The following CSMD1 variants were observed in gnomAD, a reference collection of about 807,000 sequenced individuals.
CSMD1 encodes the protein CUB and Sushi multiple domains 1.
CSMD1 carries 213 observed loss-of-function variants against 417.5 expected under a neutral mutation model. The ratio of observed to expected loss-of-function variants is 0.51; its 90% CI spans 0.46 to 0.57. CSMD1 has a LOEUF of 0.57. CSMD1 is among the 20% of genes least tolerant of loss of function. The pLI, the probability that CSMD1 is intolerant of heterozygous loss-of-function variation, is 0.00. For missense variants in CSMD1, 6,923 were observed against 4,529.7 expected, an observed-to-expected ratio of 1.53 and a Z score of -15.17; for synonymous variants, 2,862 against 1,736.8, an observed-to-expected ratio of 1.65 and a Z score of -16.11.
chr8:4,262,105 C>A (rs1803927797), intron 3 of CSMD1, among the ~76,000 whole-genome samples: 1 of 152,104 alleles, frequency 6.6e-6, no homozygotes, highest in Non-Finnish European at 1.5e-5. Flanking sequence ...ATTACTGTTA[C>A]TTCTCTTTCC....
intron 6 of CSMD1, among the ~76,000 whole-genome samples, chr8:3,714,811 T>C (rs1801735722): frequency 6.6e-6 from 1 of 152,096 alleles, no homozygotes; most frequent in Non-Finnish European, 1.5e-5. Context: ...GTCTAGTTTA[T>C]GATTGCAAGA....
At chr8:3,756,413 A>G (rs1439097018) in intron 5 of CSMD1, among the ~76,000 whole-genome samples, 1 of 152,166 alleles carries the variant, frequency 6.6e-6, no homozygotes, top group Non-Finnish European at 1.5e-5. Flanking sequence ...ATTTTTATAC[A>G]CACAAATATC....
chr8:3,839,265 ATAC>A (rs1238122186), intron 5 of CSMD1, among the ~76,000 whole-genome samples: 1 of 124,798 alleles, frequency 8.0e-6, no homozygotes, highest in East Asian at 2.2e-4. Context: ...TTACTTATAT[ATAC>A]TATTAATATA....
intron 5 of CSMD1, among the ~76,000 whole-genome samples, chr8:3,786,786 C>T (rs1466716323): frequency 4.6e-5 from 7 of 152,258 alleles, no homozygotes; most frequent in Non-Finnish European, 5.9e-5. Context: ...CTTCCCCTTG[C>T]GTCCTCAGGT....
chr8:3,715,063 C>T (rs1055132061), intron 6 of CSMD1, among the ~76,000 whole-genome samples: 1 of 152,096 alleles, frequency 6.6e-6, no homozygotes, highest in African/African-American at 2.4e-5. Context: ...ATCCCCTTCC[C>T]CTCCAAATTT....
intron 52 of CSMD1, among the ~76,000 whole-genome samples, chr8:3,013,463 T>C (rs1347408531): frequency 2.0e-5 from 3 of 152,134 alleles, no homozygotes; most frequent in African/African-American, 4.8e-5. Flanking sequence ...ATATCAAAAA[T>C]TTTCCAGCCT....
At chr8:3,300,360 G>GT (rs1563244626) in intron 25 of CSMD1, among the ~76,000 whole-genome samples, 154 of 150,784 alleles carry the variant, frequency 1.0e-3, no homozygotes, top group African/African-American at 3.6e-3. Flanking sequence ...TACATTTAGG[G>GT]GTTTTTTTTT....
chr8:3,505,118 G>A (rs541297804), intron 10 of CSMD1, among the ~76,000 whole-genome samples: 1 of 152,218 alleles, frequency 6.6e-6, no homozygotes, highest in East Asian at 1.9e-4. Context: ...AGCATCACAG[G>A]CAGATTTCAG....
intron 21 of CSMD1, among the ~76,000 whole-genome samples, chr8:3,352,934 A>G (rs964363636): frequency 2.0e-5 from 3 of 152,228 alleles, no homozygotes; most frequent in African/African-American, 7.2e-5. Context: ...ACATGGGGGT[A>G]TATAACAAAA....
At chr8:4,776,658 A>G (rs770559871) in intron 1 of CSMD1, among the ~76,000 whole-genome samples, 5 of 152,212 alleles carry the variant, frequency 3.3e-5, no homozygotes, top group South Asian at 2.1e-4. Context: ...GTGAACTGAC[A>G]TAAGTCAGGA....
intron 36 of CSMD1, among the ~76,000 whole-genome samples, chr8:3,182,200 G>C (rs2129047885): frequency 6.6e-6 from 1 of 152,278 alleles, no homozygotes; most frequent in South Asian, 2.1e-4. Context: ...GAAAAGATAA[G>C]ATTGTCTATC....
At chr8:4,588,306 A>C (rs564159175) in intron 2 of CSMD1, among the ~76,000 whole-genome samples, 1 of 148,774 alleles carries the variant, frequency 6.7e-6, no homozygotes, top group Non-Finnish European at 1.5e-5. Flanking sequence ...AAGAAAAAGG[A>C]AATAAAACAT....
At chr8:4,118,221 T>A (rs1802273374) in intron 3 of CSMD1, among the ~76,000 whole-genome samples, 1 of 152,104 alleles carries the variant, frequency 6.6e-6, no homozygotes, top group Admixed American at 6.5e-5. Context: ...ACTAAATTTT[T>A]AGCACATGCT....
chr8:4,289,163 T>G (rs954628898), intron 3 of CSMD1, among the ~76,000 whole-genome samples: 1 of 152,202 alleles, frequency 6.6e-6, no homozygotes, highest in Non-Finnish European at 1.5e-5. Context: ...TCTAAGACAG[T>G]GTATATTATA....
intron 3 of CSMD1, among the ~76,000 whole-genome samples, chr8:4,281,010 TTAAG>T (rs1451677348): frequency 6.6e-6 from 1 of 152,144 alleles, no homozygotes; most frequent in African/African-American, 2.4e-5. Flanking sequence ...TGTATTAAAA[TTAAG>T]TGAGTTTTAA....
rs142207176 is a variant in CSMD1, at chr8:4,842,557, G to A, written c.85+151775C>T. Among the ~76,000 whole-genome samples, 491 of 152,248 alleles carry A rather than the reference G, an allele frequency of 3.2e-3. 4 individuals are homozygous for A. The highest frequency in any genetic ancestry group is 0.011 in the African/African-American group (459 of 41,546). On this transcript the variant is annotated intron_variant, in intron 1 of 69. Coordinates refer to ENST00000635120, the MANE Select transcript of CSMD1 (RefSeq NM_033225.6). ...TACAGCGAGCACTAAGGGTCACAACGTAGGAGCCATATTGAGCATAGGGCA... is the reference window on the plus strand; with the variant it reads ...TACAGCGAGCACTAAGGGTCACAACATAGGAGCCATATTGAGCATAGGGCA...
intron 17 of CSMD1, among the ~76,000 whole-genome samples, chr8:3,389,401 G>T (rs1811211474): frequency 6.6e-6 from 1 of 152,052 alleles, no homozygotes; most frequent in South Asian, 2.1e-4. Flanking sequence ...GTTTGCTAAG[G>T]ATAATGACAT....
chr8:3,243,310 A>G (rs942221482), intron 26 of CSMD1, among the ~76,000 whole-genome samples: 1 of 152,188 alleles, frequency 6.6e-6, no homozygotes, highest in Admixed American at 6.5e-5. Flanking sequence ...TCCGAGTCAC[A>G]GCACCACATT....
In CSMD1 at chr8:4,732,203, G is replaced by C. The variant is rs1809927284; in HGVS notation, c.86-94645C>G. On this transcript the variant is annotated intron_variant, in intron 1 of 69. Coordinates refer to ENST00000635120, the MANE Select transcript of CSMD1 (RefSeq NM_033225.6). Reference sequence around the variant, plus strand: ...GTAGCAGACCGCAGACAAGAACTCAGATGTATCAGACCCCATGGGTAGAAC... The same window carrying C: ...GTAGCAGACCGCAGACAAGAACTCACATGTATCAGACCCCATGGGTAGAAC... Among the ~76,000 whole-genome samples the C allele has an allele frequency of 2.0e-5, 3 of 152,168 alleles. No individual in the cohort carries two copies. The South Asian group carries it at 6.2e-4, about 32-fold the overall frequency.
Sources: allele counts gnomAD v4.1 joint callset (sites outside exome capture counted in the v4.1 genomes callset), GRCh38; gene constraint gnomAD v4.1.1; transcripts MANE v1.5; gene names NCBI Gene and HGNC (gene_info 2026-07-23, HGNC 2026-07-21).